BICD2: variants seen among roughly 807,000 people sequenced by gnomAD.
BICD2 encodes BICD cargo adaptor 2, also known as protein bicaudal D homolog 2.
A neutral mutation model predicts 72.9 loss-of-function variants in BICD2; 25 were observed. The observed-to-expected ratio is 0.34, with a 90% CI of 0.25 to 0.48. BICD2 has a LOEUF of 0.48. Among genes scored for constraint, BICD2 ranks in the 20% least tolerant of loss-of-function variants. The probability of loss-of-function intolerance (pLI) is 0.99; values close to 1 mark genes in which losing one functional copy is unlikely to be tolerated. For synonymous variants in BICD2, 501 were observed against 516.1 expected (o/e 0.97, Z 0.40); for missense variants, 894 against 1,175.2 (o/e 0.76, Z 3.50).
At chr9:92,762,418 G>C (rs772764107) in intron 1 of BICD2, among the ~76,000 whole-genome samples, 4 of 152,126 alleles carry the variant, frequency 2.6e-5, no homozygotes, top group Non-Finnish European at 5.9e-5. Flanking sequence ...TCTAGACTCT[G>C]CTAGAGACCG....
In BICD2 at chr9:92,715,471, T is replaced by C; in HGVS notation, c.2259-8A>G. ...GTAATGTACTCGTCACACCTGTGGG[T>C]ACCAAAAACATGACTGAGGGGCGGG... On this transcript the variant is annotated splice_polypyrimidine_tract_variant and splice_region_variant and intron_variant, in intron 6 of 6. Transcript: ENST00000356884. The C allele has an allele frequency of 6.4e-7, 1 of 1,569,882 alleles. No individual in the cohort carries two copies. Among genetic ancestry groups the C allele is most frequent in the East Asian group, 2.3e-5 (1 of 44,062 alleles).
intron 1 of BICD2, among the ~76,000 whole-genome samples, chr9:92,753,360 T>C (rs1232505379): frequency 6.6e-6 from 1 of 152,146 alleles, no homozygotes; most frequent in Non-Finnish European, 1.5e-5. Context: ...TGCCATGATA[T>C]TGGTTCATCC....
chr9:92,713,658 C>G lies in BICD2; in HGVS notation c.*1496G>C. 2 of 1,445,706 alleles carry G rather than the reference C, an allele frequency of 1.4e-6. No homozygotes were observed. Among genetic ancestry groups the G allele is most frequent in the Non-Finnish European group, 1.8e-6 (2 of 1,094,154 alleles). The allele number at this position is 1,445,706 out of a possible 1,614,324, so 89.6% of individuals were successfully genotyped here. On this transcript the variant is annotated 3_prime_UTR_variant, in exon 7 of 7. Coordinates refer to ENST00000356884, the MANE Select transcript of BICD2 (RefSeq NM_001003800.2). Reference sequence around the variant, plus strand: ...TAGGAGTATGGAGAGAAGCTATGTGCCAGGCTTGCAAGGAGAGGGCAAAGC... The same window carrying G: ...TAGGAGTATGGAGAGAAGCTATGTGGCAGGCTTGCAAGGAGAGGGCAAAGC...
chr9:92,724,932 G>A (rs530638188), intron 2 of BICD2, among the ~76,000 whole-genome samples: 1 of 152,160 alleles, frequency 6.6e-6, no homozygotes, highest in East Asian at 1.9e-4. Context: ...TTGATTCAAC[G>A]CGGCCACCCA....
intron 1 of BICD2, among the ~76,000 whole-genome samples, chr9:92,758,153 G>A (rs182664109): frequency 1.1e-4 from 17 of 151,198 alleles, no homozygotes; most frequent in African/African-American, 2.2e-4. Context: ...GCAGTGAGTC[G>A]AGATCGTGCC....
At position 92,714,407 on chromosome 9, in the gene BICD2, C is replaced by A; in HGVS notation, c.*747G>T. The A allele has an allele frequency of 1.0e-6, 1 of 985,496 alleles. No individual in the cohort carries two copies. Among genetic ancestry groups the A allele is most frequent in the Non-Finnish European group, 1.2e-6 (1 of 829,962 alleles). 61.0% of individuals were successfully genotyped at this position (985,496 alleles called of 1,614,324 possible). On this transcript the variant is annotated 3_prime_UTR_variant, in exon 7 of 7. Transcript: ENST00000356884. ...AAGCTTTTCTCATGAAAAATGAAAA[C>A]CTGGGGCCTTGGGCCCTGCCAATCT...
Position 92,718,650 on chromosome 9 carries a change from C to G in BICD2, c.1995G>C (p.Val665=), listed in dbSNP as rs1273071112. 1.9e-5 allele frequency: 31 copies of G among 1,613,878 alleles called. No homozygotes were observed. The highest frequency in any genetic ancestry group is 2.5e-5 in the Non-Finnish European group (30 of 1,180,038). The change falls in exon 5 of 7, where the codon GTG becomes GTC. Residue 665 remains valine (V), a synonymous_variant. Coordinates refer to ENST00000356884, the MANE Select transcript of BICD2 (RefSeq NM_001003800.2). ...CCATAAGCGCTTCCTTGTCCTTGTC[C>G]ACGGCGGGGCCCAGCTCCTGAGAGG... ...RIASQELGPA[V]DKDKEALMEE...
In BICD2 at chr9:92,764,440, C is replaced by T; in HGVS notation, c.240+65G>A. Reference sequence around the variant, plus strand: ...CAAGCTGACCTTGGCCGCCCTGGTGCCAGGGACGACGCCCACAGGCCCCGG... The same window carrying T: ...CAAGCTGACCTTGGCCGCCCTGGTGTCAGGGACGACGCCCACAGGCCCCGG... On this transcript the variant is annotated intron_variant, in intron 1 of 6. Transcript: ENST00000356884. This position sits in a 1 kb window ranked among gnomAD's most constrained non-coding sequence, Gnocchi z 5.5. The T allele has an allele frequency of 1.4e-6, 2 of 1,413,986 alleles. No homozygotes were observed. Among genetic ancestry groups the T allele is most frequent in the Non-Finnish European group, 1.8e-6 (2 of 1,082,390 alleles). 87.6% of individuals were successfully genotyped at this position (1,413,986 alleles called of 1,614,324 possible).
chr9:92,719,740 C>T (rs1397341490), intron 4 of BICD2, among the ~76,000 whole-genome samples, 158 bp from the exon 5 acceptor site: 3 of 152,170 alleles, frequency 2.0e-5, no homozygotes, highest in Non-Finnish European at 4.4e-5. Context: ...GACAAAGACA[C>T]ACAGGGTGTG....
chr9:92,726,691 GGACACAGCA>G (rs1413610799), intron 2 of BICD2, among the ~76,000 whole-genome samples: 1 of 152,110 alleles, frequency 6.6e-6, no homozygotes, highest in Non-Finnish European at 1.5e-5. Flanking sequence ...CAGTCATGGG[GGACACAGCA>G]GACCCAGGGA....
chr9:92,727,794 T>G (rs1041394783), intron 2 of BICD2, among the ~76,000 whole-genome samples: 1 of 152,032 alleles, frequency 6.6e-6, no homozygotes, highest in Non-Finnish European at 1.5e-5. Context: ...CCTGCCTCCT[T>G]CAGGGCCCCA....
At chr9:92,750,616 G>A (rs1282234228) in intron 1 of BICD2, among the ~76,000 whole-genome samples, 3 of 152,060 alleles carry the variant, frequency 2.0e-5, no homozygotes, top group Non-Finnish European at 4.4e-5. Context: ...AAGATCAGTG[G>A]TTGCCAGAGG....
At chr9:92,731,001 C>T (rs1853668682) in intron 1 of BICD2, among the ~76,000 whole-genome samples, 1 of 152,232 alleles carries the variant, frequency 6.6e-6, no homozygotes, top group Non-Finnish European at 1.5e-5. Context: ...GCACCTCATC[C>T]ACCCTGGCCA....
At chr9:92,758,831 G>A (rs1413879151) in intron 1 of BICD2, among the ~76,000 whole-genome samples, 1 of 151,268 alleles carries the variant, frequency 6.6e-6, no homozygotes, top group Non-Finnish European at 1.5e-5. Flanking sequence ...TCCAGCCTGG[G>A]CAACAAAAGC....
rs201930889 is a variant in BICD2 at position 92,718,713 on chromosome 9, G to C, written c.1932C>G (p.Ala644=). Residue 644 remains alanine, a synonymous_variant, in exon 5 of 7, where the codon GCC becomes GCG. Transcript: ENST00000356884. Reference sequence around the variant, plus strand: ...GTGACAGCTCCGTGGTGCGGTCCACGGCTGCCTGCAGGTGCTTGATCTGGT... The same window carrying C: ...GTGACAGCTCCGTGGTGCGGTCCACCGCTGCCTGCAGGTGCTTGATCTGGT... The part of the protein sequence containing the change: ...IRDQIKHLQA[A]VDRTTELSRQ... The C allele has an allele frequency of 6.2e-7, 1 of 1,614,000 alleles. No homozygotes were observed. Among genetic ancestry groups the C allele is most frequent in the Non-Finnish European group, 8.5e-7 (1 of 1,180,020 alleles).
At chr9:92,750,223 C>T (rs373879887) in intron 1 of BICD2, among the ~76,000 whole-genome samples, 5 of 152,168 alleles carry the variant, frequency 3.3e-5, no homozygotes, top group East Asian at 3.8e-4. Flanking sequence ...AAATGGTATT[C>T]GCATTTGGAA....
At position 92,719,292 on chromosome 9, in the gene BICD2, C is replaced by T; in HGVS notation, c.1353G>A (p.Glu451=). The change falls in exon 5 of 7, where the codon GAG becomes GAA. Residue 451 remains glutamate (E), a synonymous_variant. Transcript: ENST00000356884. The part of the protein sequence containing the change: ...VAVAEAGELR[E]QLKALRSTHE... Reference sequence around the variant, plus strand: ...GCGTGCTGCGCAGTGCCTTGAGCTGCTCGCGGAGCTCGCCAGCCTCAGCCA... The same window carrying T: ...GCGTGCTGCGCAGTGCCTTGAGCTGTTCGCGGAGCTCGCCAGCCTCAGCCA... 4 of 1,613,920 alleles carry T rather than the reference C, an allele frequency of 2.5e-6. No individual in the cohort carries two copies. Among genetic ancestry groups the T allele is most frequent in the Non-Finnish European group, 3.4e-6 (4 of 1,180,036 alleles).
At chr9:92,755,134 CTG>C (rs1854229262) in intron 1 of BICD2, among the ~76,000 whole-genome samples, 1 of 151,840 alleles carries the variant, frequency 6.6e-6, no homozygotes, top group African/African-American at 2.4e-5. Context: ...ACTGGCCCCC[CTG>C]GGGCATACCT....
rs561830983 is a variant in BICD2, at chr9:92,743,243, AGTGTAGTG to A, written c.241-14015_241-14008del. On this transcript the variant is annotated intron_variant, in intron 1 of 6. Transcript: ENST00000356884. ...GGTCTCACTCTGTCACCCAGACTGG[AGTGTAGTG>A]GTGAGATCACAGCTCCCTTCAGCCT... Among the ~76,000 whole-genome samples the A allele has an allele frequency of 1.2e-4, 18 of 150,056 alleles. 1 individual carries two copies. In the South Asian group the frequency reaches 1.3e-3, roughly 11 times the overall value.
Sources: allele counts gnomAD v4.1 joint callset (sites outside exome capture counted in the v4.1 genomes callset), GRCh38; gene constraint gnomAD v4.1.1; non-coding constraint Gnocchi (gnomAD v3.1); transcripts MANE v1.5; gene names NCBI Gene and HGNC (gene_info 2026-07-23, HGNC 2026-07-21).